ZNF248: variants seen among roughly 807,000 people sequenced by gnomAD.
ZNF248 encodes KRAB protein domain.
Under a neutral mutation model 44.3 loss-of-function variants are expected in ZNF248, and 20 were observed. The ratio of observed to expected loss-of-function variants is 0.45; its 90% confidence interval spans 0.32 to 0.66. The LOEUF is 0.66. Among genes scored for constraint, ZNF248 ranks in the 30% least tolerant of loss-of-function variants. The pLI is 0.04. For synonymous variants in ZNF248, 224 were observed against 229.0 expected, an observed-to-expected ratio of 0.98 and a Z score of 0.20; for missense variants, 654 against 677.0, an observed-to-expected ratio of 0.97 and a Z score of 0.38.
the ZNF248 span, among the ~76,000 whole-genome samples, chr10:37,766,533 A>G: frequency 6.6e-6 from 1 of 152,230 alleles, no homozygotes; most frequent in Admixed American, 6.5e-5. Flanking sequence ...GTGGACCTCT[A>G]GCAAACTCCA....
At chr10:37,776,447 AC>A (rs759819198), downstream of ZNF248, 13 of 396,252 alleles carry the variant, frequency 3.3e-5, no homozygotes, top group South Asian at 2.6e-4. Flanking sequence ...CAGTTTCCTG[AC>A]TTTGCTCTGA....
At chr10:37,768,670 G>C in the ZNF248 span, among the ~76,000 whole-genome samples, 1 of 152,114 alleles carries the variant, frequency 6.6e-6, no homozygotes, top group South Asian at 2.1e-4. Flanking sequence ...GAGAAAGGAG[G>C]AAAGATCCAA....
rs2055291208 is a variant in ZNF248 at position 37,830,350 on chromosome 10, G to A, written c.*1265C>T. On this transcript the variant is annotated 3_prime_UTR_variant, in exon 6 of 6. Transcript: ENST00000395867. ...GGCCATATTCATGCATATATGCCAG[G>A]AAACAGTCAGAGGAAAGGTACGTGA... The A allele has an allele frequency of 2.0e-6, 2 of 985,320 alleles. No homozygotes were observed. Among genetic ancestry groups the A allele is most frequent in the African/African-American group, 3.5e-5 (2 of 57,300 alleles). 61.0% of individuals were successfully genotyped at this position (985,320 alleles called of 1,614,324 possible).
the ZNF248 span, among the ~76,000 whole-genome samples, chr10:37,762,050 G>T: frequency 1.3e-5 from 2 of 152,160 alleles, no homozygotes; most frequent in African/African-American, 4.8e-5. Flanking sequence ...AAATTGTATT[G>T]TCTCAAATCT....
chr10:37,848,398 C>CA (rs2059674981), intron 3 of ZNF248, among the ~76,000 whole-genome samples: 1 of 151,844 alleles, frequency 6.6e-6, no homozygotes, highest in Non-Finnish European at 1.5e-5. Context: ...AGCCTGGCAA[C>CA]ATGGGGAAAC....
At chr10:37,837,238 C>T (rs1287554036) in intron 5 of ZNF248, among the ~76,000 whole-genome samples, 3 of 152,052 alleles carry the variant, frequency 2.0e-5, no homozygotes, top group Non-Finnish European at 4.4e-5. Context: ...CTCAGCCTCC[C>T]AAGCAGCTGG....
Position 37,830,982 on chromosome 10 carries a change from GAGGTTAT to G in ZNF248, c.*626_*632del, listed in dbSNP as rs1297751873. 5 of 621,626 alleles carry G rather than the reference GAGGTTAT, an allele frequency of 8.0e-6. No homozygotes were observed. Among genetic ancestry groups the G allele is most frequent in the Admixed American group, 1.0e-4 (2 of 19,612 alleles). 38.5% of individuals were successfully genotyped at this position (621,626 alleles called of 1,614,324 possible). A position where few individuals can be genotyped will look rare whatever the true frequency, so the allele number is the denominator to read the frequency against. ...ACAATCAGAACTTTTAAGTCAGTAT[GAGGTTAT>G]ACTAGCACATCACTATATTTAAGTA... On this transcript the variant is annotated 3_prime_UTR_variant, in exon 6 of 6. Transcript: ENST00000395867.
chr10:37,768,330 T>C, the ZNF248 span, among the ~76,000 whole-genome samples: 2 of 152,110 alleles, frequency 1.3e-5, no homozygotes, highest in African/African-American at 4.8e-5. Flanking sequence ...TACATTTGTC[T>C]CAGCACCACA....
chr10:37,833,146 T>C (rs1309720041), intron 5 of ZNF248, 30 bp from the exon 6 acceptor site: 1 of 1,550,882 alleles, frequency 6.4e-7, no homozygotes, highest in Non-Finnish European at 8.6e-7. Context: ...CCACATCTTA[T>C]GAACCTTAAT....
chr10:37,823,929 A>G (rs572321497), downstream of ZNF248, among the ~76,000 whole-genome samples: 44 of 152,236 alleles, frequency 2.9e-4, no homozygotes, highest in Admixed American at 2.0e-3. Flanking sequence ...CTGAAAAAAA[A>G]TATGTAAAGG....
chr10:37,789,568 TA>T (rs1048317190), intron 6 of ZNF248, among the ~76,000 whole-genome samples: 3 of 152,132 alleles, frequency 2.0e-5, no homozygotes, highest in African/African-American at 4.8e-5. Context: ...TCAGGCAAGG[TA>T]AAACATAATT....
rs1283481833 is a variant in ZNF248 at position 37,830,468 on chromosome 10, A to T, written c.*1147T>A. The T allele has an allele frequency of 2.0e-6, 2 of 985,298 alleles. No individual in the cohort carries two copies. The highest frequency in any genetic ancestry group is 2.4e-6 in the Non-Finnish European group (2 of 829,936). The allele number at this position is 985,298 out of a possible 1,614,324, so 61.0% of individuals were successfully genotyped here. On this transcript the variant is annotated 3_prime_UTR_variant, in exon 6 of 6. Transcript: ENST00000395867. ...AGTATTTAGAGTAGGACAGATTCAG[A>T]GGTAGTTAAAAACCTCACGGAAATA...
intron 3 of ZNF248, among the ~76,000 whole-genome samples, chr10:37,840,350 C>T (rs945099139): frequency 2.0e-5 from 3 of 152,092 alleles, no homozygotes; most frequent in Non-Finnish European, 4.4e-5. Context: ...ACAAATTATG[C>T]AACTTGAAAA....
downstream of ZNF248, among the ~76,000 whole-genome samples, chr10:37,828,112 T>C (rs181795989): frequency 2.0e-5 from 3 of 152,302 alleles, no homozygotes; most frequent in East Asian, 5.8e-4. Flanking sequence ...GAATGCAGTA[T>C]AAGAGAAAAT....
the ZNF248 span, among the ~76,000 whole-genome samples, chr10:37,764,961 CTTTT>C: frequency 6.9e-6 from 1 of 145,456 alleles, no homozygotes; most frequent in African/African-American, 2.6e-5. Context: ...CTTTTTGAGC[CTTTT>C]TTTTTTTCTT....
intron 5 of ZNF248, among the ~76,000 whole-genome samples, chr10:37,833,734 A>G (rs1330653029): frequency 6.6e-6 from 1 of 152,184 alleles, no homozygotes; most frequent in East Asian, 1.9e-4. Context: ...TTTATTGAGA[A>G]GAAATAGTTT....
chr10:37,843,930 G>A (rs2134343222), intron 3 of ZNF248, among the ~76,000 whole-genome samples: 1 of 152,266 alleles, frequency 6.6e-6, no homozygotes, highest in Admixed American at 6.5e-5. Flanking sequence ...GGACACCTTT[G>A]AGTGGACTAT....
chr10:37,774,107 C>A (rs564707629), downstream of ZNF248, among the ~76,000 whole-genome samples: 1 of 152,024 alleles, frequency 6.6e-6, no homozygotes, highest in Non-Finnish European at 1.5e-5. Flanking sequence ...TAAAGTTTTT[C>A]CTCCATTCCA....
chr10:37,820,364 G>A (rs1396585225), intron 6 of ZNF248: 1 of 1,439,234 alleles, frequency 6.9e-7, no homozygotes, highest in Admixed American at 1.7e-5. Context: ...GCTGCTCTGG[G>A]TCAAGCCGAG....
Sources: allele counts gnomAD v4.1 joint callset (sites outside exome capture counted in the v4.1 genomes callset), GRCh38; gene constraint gnomAD v4.1.1; transcripts MANE v1.5; gene names NCBI Gene and HGNC (gene_info 2026-07-23, HGNC 2026-07-21).